TBC1D22B: variants seen among roughly 807,000 people sequenced by gnomAD.
TBC1D22B encodes the protein chromosome 6 open reading frame 197.
TBC1D22B carries 32 observed loss-of-function variants against 69.1 expected under a neutral mutation model. That is an observed-to-expected ratio of 0.46 (90% CI 0.35 to 0.62). TBC1D22B has a LOEUF of 0.62. Among genes scored for constraint, TBC1D22B ranks in the 20% least tolerant of loss-of-function variants. The probability of loss-of-function intolerance (pLI) is 0.00; values close to 1 mark genes in which losing one functional copy is unlikely to be tolerated. For missense variants in TBC1D22B, 462 were observed against 630.9 expected (o/e 0.73, Z 2.87); for synonymous variants, 206 against 229.8 (o/e 0.90, Z 0.94).
At chr6:37,323,722 C>A (rs1001037185) in intron 12 of TBC1D22B, among the ~76,000 whole-genome samples, 2 of 152,204 alleles carry the variant, frequency 1.3e-5, no homozygotes, top group African/African-American at 2.4e-5. Context: ...CACAGGGGTG[C>A]GATTGTGGAA....
Position 37,291,239 on chromosome 6 carries a change from C to T in TBC1D22B, c.868-4C>T. The T allele has an allele frequency of 1.9e-6, 3 of 1,601,028 alleles. No homozygotes were observed. The highest frequency in any genetic ancestry group is 2.6e-6 in the Non-Finnish European group (3 of 1,168,214). ...ACTCGTGTCTTTCTTTCTCATTTTC[C>T]TAGATCTTTGAAAGAATTCTATTTA... On this transcript the variant is annotated splice_region_variant and splice_polypyrimidine_tract_variant and intron_variant, in intron 7 of 12. Coordinates refer to ENST00000373491, the MANE Select transcript of TBC1D22B (RefSeq NM_017772.4).
intron 8 of TBC1D22B, among the ~76,000 whole-genome samples, chr6:37,307,548 G>A (rs1275373366): frequency 6.6e-6 from 1 of 151,938 alleles, no homozygotes; most frequent in East Asian, 1.9e-4. Flanking sequence ...TAGAGACGGG[G>A]TTTCACCATA....
rs527541479 is a variant in TBC1D22B at position 37,311,337 on chromosome 6, A to C, written c.983-1581A>C. Among the ~76,000 whole-genome samples the C allele has an allele frequency of 2.0e-5, 3 of 151,942 alleles. No individual in the cohort carries two copies. In the South Asian group the frequency reaches 6.2e-4, roughly 32 times the overall value. On this transcript the variant is annotated intron_variant, in intron 8 of 12. Transcript: ENST00000373491. The stretch of plus-strand genomic sequence containing the variant: ...TCCGAGAGTTGTTACATGTTTTCTC[A>C]AGGAGGTTCAGATATAGGTCTTAGT...
Position 37,317,259 on chromosome 6 carries a change from T to G in TBC1D22B, c.1389+53T>G. ...AGGGAATGAACATTAGAATGGGAGT[T>G]AGCCCCTCAGTGGGCAGTGCAGACA... On this transcript the variant is annotated intron_variant, in intron 12 of 12. Coordinates refer to ENST00000373491, the MANE Select transcript of TBC1D22B (RefSeq NM_017772.4). The G allele has an allele frequency of 1.2e-5, 19 of 1,521,690 alleles. No individual in the cohort carries two copies. The South Asian group carries it at 2.2e-4, about 17-fold the overall frequency. The allele number at this position is 1,521,690 out of a possible 1,614,324, so 94.3% of individuals were successfully genotyped here.
intron 8 of TBC1D22B, among the ~76,000 whole-genome samples, chr6:37,293,138 C>T (rs1191781629): frequency 1.3e-5 from 2 of 150,748 alleles, no homozygotes; most frequent in East Asian, 1.9e-4. Context: ...AGTGCAGTGG[C>T]GTGATCTCGG....
chr6:37,292,012 C>T (rs1266721338), intron 8 of TBC1D22B, among the ~76,000 whole-genome samples: 1 of 152,168 alleles, frequency 6.6e-6, no homozygotes, highest in Admixed American at 6.5e-5. Context: ...TTTTGGTTTC[C>T]TTAATCACTT....
intron 8 of TBC1D22B, among the ~76,000 whole-genome samples, chr6:37,296,796 A>C (rs1767393528): frequency 6.6e-6 from 1 of 151,206 alleles, no homozygotes; most frequent in African/African-American, 2.4e-5. Flanking sequence ...ACACACATAC[A>C]CACACGTGCA....
At position 37,331,279 on chromosome 6, in the gene TBC1D22B, A is replaced by T; in HGVS notation, c.*107A>T. On this transcript the variant is annotated 3_prime_UTR_variant, in exon 13 of 13. Transcript: ENST00000373491. ...CCCGGCCAGGAACCACTCCTGTTGT[A>T]CAAAGCTCACACCCACCGCCCAGGT... 8.5e-7 allele frequency: 1 copy of T among 1,170,810 alleles called. No homozygotes were observed. The highest frequency in any genetic ancestry group is 1.2e-6 in the Non-Finnish European group (1 of 801,148). The allele number at this position is 1,170,810 out of a possible 1,614,324, so 72.5% of individuals were successfully genotyped here.
chr6:37,286,748 A>C (rs1044480355), intron 6 of TBC1D22B, among the ~76,000 whole-genome samples: 4 of 151,696 alleles, frequency 2.6e-5, no homozygotes, highest in African/African-American at 9.7e-5. Context: ...GTTCGAGATC[A>C]GCCTGGTCAA....
At chr6:37,325,392 C>T (rs566580460) in intron 12 of TBC1D22B, among the ~76,000 whole-genome samples, 6 of 152,136 alleles carry the variant, frequency 3.9e-5, no homozygotes, top group Non-Finnish European at 8.8e-5. Flanking sequence ...CATCTGACTG[C>T]ATGTGATACT....
chr6:37,295,813 G>C (rs1767345820), intron 8 of TBC1D22B: 1 of 183,292 alleles, frequency 5.5e-6, no homozygotes, highest in African/African-American at 2.4e-5. Context: ...CTTACATGGT[G>C]GCAGGCAAGA....
At chr6:37,300,195 C>T (rs997886098) in intron 8 of TBC1D22B, among the ~76,000 whole-genome samples, 3 of 151,590 alleles carry the variant, frequency 2.0e-5, no homozygotes, top group South Asian at 2.1e-4. Flanking sequence ...AATAATACAC[C>T]ATCTTTTCAC....
At chr6:37,286,567 G>C in intron 6 of TBC1D22B, among the ~76,000 whole-genome samples, 1 of 151,530 alleles carries the variant, frequency 6.6e-6, no homozygotes, top group South Asian at 2.1e-4. Flanking sequence ...CGCCCGGCTT[G>C]GCCTCCCAAA....
rs147324755 is a variant in TBC1D22B, at chr6:37,331,053, A to G, written c.1399A>G (p.Met467Val). The part of the protein sequence containing the change: ...LDEEDFQGLL[M>V]LLQNLPTIHW... ...CTTTCTTGCATTCCAGGGTCTCCTC[A>G]TGCTGCTACAGAACCTACCTACAAT... The change falls in exon 13 of 13, where the codon ATG becomes GTG. Residue 467 changes from methionine to valine, a missense_variant. Physicochemically the swap from Met to Val is conservative, Grantham distance 21. Around this residue, in one of 2 missense-constraint regions of TBC1D22B, gnomAD observed 225 missense variants for 375.4 expected, o/e 0.60. Transcript: ENST00000373491. 3 of 1,614,024 alleles carry G rather than the reference A, an allele frequency of 1.9e-6. No individual in the cohort carries two copies. In the African/African-American group the frequency reaches 4.0e-5, roughly 22 times the overall value.
rs373171848 is a variant in TBC1D22B, at chr6:37,257,994, G to A, written c.56+21G>A. ...GGGAGGTGAGCCCAGGACGCTGAGA[G>A]GGATAGGGGATTGGACCAAACCCTT... is the stretch of plus-strand genomic sequence containing the variant. On this transcript the variant is annotated intron_variant, in intron 1 of 12. Coordinates refer to ENST00000373491, the MANE Select transcript of TBC1D22B (RefSeq NM_017772.4). 1,647 of 1,613,184 alleles carry A rather than the reference G, an allele frequency of 1.0e-3. 16 individuals carry two copies. Among genetic ancestry groups the A allele is most frequent in the South Asian group, 8.5e-3 (773 of 90,814 alleles).
chr6:37,287,833 A>T (rs534413804), intron 7 of TBC1D22B, among the ~76,000 whole-genome samples: 1 of 152,180 alleles, frequency 6.6e-6, no homozygotes, highest in Non-Finnish European at 1.5e-5. Context: ...TGCTGCTAGT[A>T]TGGGTATGTG....
chr6:37,304,137 A>G (rs1581613516), intron 8 of TBC1D22B, among the ~76,000 whole-genome samples: 1 of 152,240 alleles, frequency 6.6e-6, no homozygotes, highest in Admixed American at 6.5e-5. Flanking sequence ...ACTGTGCTGA[A>G]TTAGCCGAAA....
chr6:37,275,648 G>A (rs1766646497), intron 2 of TBC1D22B, among the ~76,000 whole-genome samples: 1 of 152,132 alleles, frequency 6.6e-6, no homozygotes, highest in Non-Finnish European at 1.5e-5. Flanking sequence ...CACCTCATAG[G>A]ATTATTAATG....
At chr6:37,326,787 CA>C (rs112364776) in intron 12 of TBC1D22B, among the ~76,000 whole-genome samples, 417 of 149,530 alleles carry the variant, frequency 2.8e-3, no homozygotes, top group Non-Finnish European at 4.2e-3. Context: ...GACTACGTCT[CA>C]AAAAAAAACA....
Sources: allele counts gnomAD v4.1 joint callset (sites outside exome capture counted in the v4.1 genomes callset), GRCh38; gene constraint gnomAD v4.1.1; regional missense constraint gnomAD v4.1.1; transcripts MANE v1.5; gene names NCBI Gene and HGNC (gene_info 2026-07-23, HGNC 2026-07-21).